The following CACNA2D3 variants were observed in gnomAD, a reference collection of about 807,000 sequenced individuals.
The protein encoded by CACNA2D3 is voltage-dependent calcium channel subunit alpha-2/delta-3.
A neutral mutation model predicts 160.6 loss-of-function variants in CACNA2D3; 60 were observed. The ratio of observed to expected loss-of-function variants is 0.37; its 90% CI spans 0.30 to 0.46. The LOEUF (loss-of-function observed/expected upper bound fraction) is 0.46, where lower values mean the gene tolerates loss of function less well. CACNA2D3 is among the 20% of genes least tolerant of loss of function. The pLI, the probability that CACNA2D3 is intolerant of heterozygous loss-of-function variation, is 1.00. For synonymous variants in CACNA2D3, 558 were observed against 492.9 expected (o/e 1.13, Z -1.75); for missense variants, 1,205 against 1,365.0 (o/e 0.88, Z 1.85).
At chr3:54,430,571 G>A (rs930146495) in intron 4 of CACNA2D3, among the ~76,000 whole-genome samples, 1 of 152,282 alleles carries the variant, frequency 6.6e-6, no homozygotes. Context: ...AATCCTGGAC[G>A]TGATTTGGTT....
chr3:54,369,585 G>C (rs1029512777), intron 3 of CACNA2D3, among the ~76,000 whole-genome samples: 2 of 152,176 alleles, frequency 1.3e-5, no homozygotes, highest in African/African-American at 4.8e-5. Context: ...TGATGGTCCA[G>C]GCTGGTCCCA....
intron 4 of CACNA2D3, among the ~76,000 whole-genome samples, chr3:54,471,939 T>A (rs1700740257): frequency 6.6e-6 from 1 of 152,154 alleles, no homozygotes; most frequent in Admixed American, 6.6e-5. Context: ...CTGGACCAGA[T>A]GAATTCACAG....
intron 5 of CACNA2D3, among the ~76,000 whole-genome samples, chr3:54,509,237 G>A (rs943505059): frequency 2.0e-5 from 3 of 152,118 alleles, no homozygotes; most frequent in African/African-American, 7.2e-5. Flanking sequence ...ATAAAAAGCT[G>A]TTTAAAATTT....
intron 5 of CACNA2D3, among the ~76,000 whole-genome samples, chr3:54,515,371 T>A (rs1413797046): frequency 6.9e-6 from 1 of 144,304 alleles, no homozygotes; most frequent in Non-Finnish European, 1.5e-5. Context: ...TAATTAAAAA[T>A]GAAAGAACTA....
At chr3:54,584,992 C>CT (rs1285143178) in intron 9 of CACNA2D3, among the ~76,000 whole-genome samples, 1 of 152,112 alleles carries the variant, frequency 6.6e-6, no homozygotes, top group Non-Finnish European at 1.5e-5. Context: ...ACTGTTGCCT[C>CT]TAAACCTACC....
Position 54,646,184 on chromosome 3 carries a change from C to CTCCTTCCTTCCT in CACNA2D3, c.1167+3952_1167+3953insCCTTCCTTCCTT, listed in dbSNP as rs1438568531. ...CCTCCCTCCCTCCCTCCCTCCCTCC[C>CTCCTTCCTTCCT]TCCTTCCTTGCTTCCTTCCTTCCTT... On this transcript the variant is annotated intron_variant, in intron 11 of 37. Transcript: ENST00000474759. 2.7e-4 allele frequency among the ~76,000 whole-genome samples: 4 copies of CTCCTTCCTTCCT among 14,886 alleles called. 1 individual carries two copies. 9.8% of individuals were successfully genotyped at this position (14,886 alleles called of 152,430 possible). A position where few individuals can be genotyped will look rare whatever the true frequency, so the allele number is the denominator to read the frequency against.
At chr3:54,465,768 A>T (rs1175650454) in intron 4 of CACNA2D3, among the ~76,000 whole-genome samples, 1 of 152,234 alleles carries the variant, frequency 6.6e-6, no homozygotes, top group Non-Finnish European at 1.5e-5. Flanking sequence ...ATAACTCGTT[A>T]ACATTAATAA....
chr3:54,825,579 A>G (rs1316693234), intron 14 of CACNA2D3, among the ~76,000 whole-genome samples: 1 of 152,140 alleles, frequency 6.6e-6, no homozygotes, highest in Non-Finnish European at 1.5e-5. Context: ...TCAACAATGT[A>G]TGAATCTACA....
intron 11 of CACNA2D3, among the ~76,000 whole-genome samples, chr3:54,698,654 G>A (rs564374033): frequency 1.1e-4 from 16 of 152,246 alleles, no homozygotes; most frequent in Admixed American, 5.9e-4. Context: ...AGATGAGAAC[G>A]TACAAGTAAG....
At position 54,526,970 on chromosome 3, in the gene CACNA2D3, T is replaced by C. The variant is rs116492440; in HGVS notation, c.544+23316T>C. 9.7e-3 allele frequency among the ~76,000 whole-genome samples: 1,484 copies of C among 152,316 alleles called. 32 individuals are homozygous for C. The highest frequency in any genetic ancestry group is 0.034 in the African/African-American group (1,410 of 41,574). On this transcript the variant is annotated intron_variant, in intron 5 of 37. Coordinates refer to ENST00000474759, the MANE Select transcript of CACNA2D3 (RefSeq NM_018398.3). Reference sequence around the variant, plus strand: ...CCTCCCGAAGTGCTGGGATTACAGGTGTGAGCCACCACGTGGGGCCAGGCA... The same window carrying C: ...CCTCCCGAAGTGCTGGGATTACAGGCGTGAGCCACCACGTGGGGCCAGGCA...
At position 54,918,600 on chromosome 3, in the gene CACNA2D3, CA is replaced by C. The variant is rs750192575; in HGVS notation, c.2449+18733del. ...TGGCAGCTGCCAACATCATGAGACA[CA>C]CAATCCCACACACAACGCCAGTGAT... On this transcript the variant is annotated intron_variant, in intron 27 of 37. Transcript: ENST00000474759. The C allele has an allele frequency of 9.4e-4, 1,519 of 1,614,062 alleles. 1 individual carries two copies. The highest frequency in any genetic ancestry group is 1.4e-3 in the South Asian group (125 of 91,090).
intron 2 of CACNA2D3, among the ~76,000 whole-genome samples, chr3:54,179,799 C>G (rs957349606): frequency 2.0e-5 from 3 of 152,202 alleles, no homozygotes; most frequent in Admixed American, 2.0e-4. Context: ...GGAAGCGAGC[C>G]CTCACCAGGA....
intron 17 of CACNA2D3, among the ~76,000 whole-genome samples, chr3:54,847,404 A>G (rs1264632403): frequency 6.6e-6 from 1 of 152,032 alleles, no homozygotes; most frequent in Non-Finnish European, 1.5e-5. Context: ...ATACCCATCC[A>G]CCCCACCCAT....
chr3:54,745,894 G>T (rs895853181), intron 11 of CACNA2D3, among the ~76,000 whole-genome samples: 1 of 152,024 alleles, frequency 6.6e-6, no homozygotes, highest in Non-Finnish European at 1.5e-5. Context: ...CTCTTAGAGC[G>T]TCCCTAAGGT....
At chr3:54,350,481 C>T (rs901904476) in intron 3 of CACNA2D3, among the ~76,000 whole-genome samples, 3 of 152,054 alleles carry the variant, frequency 2.0e-5, no homozygotes, top group Non-Finnish European at 4.4e-5. Flanking sequence ...TGGAGGGGTA[C>T]CACTGACTAC....
intron 32 of CACNA2D3, among the ~76,000 whole-genome samples, chr3:55,007,541 C>A (rs557956440): frequency 3.3e-5 from 5 of 152,292 alleles, no homozygotes; most frequent in Non-Finnish European, 7.4e-5. Context: ...CCACTGATAA[C>A]CCTTGTATTA....
At chr3:54,988,844 C>G (rs1702676810) in intron 31 of CACNA2D3, among the ~76,000 whole-genome samples, 1 of 152,248 alleles carries the variant, frequency 6.6e-6, no homozygotes, top group African/African-American at 2.4e-5. Context: ...AGAACCTGGC[C>G]TAGTGCCAGC....
intron 4 of CACNA2D3, among the ~76,000 whole-genome samples, chr3:54,459,869 A>T (rs1378139019): frequency 1.3e-5 from 2 of 152,052 alleles, no homozygotes; most frequent in Non-Finnish European, 2.9e-5. Flanking sequence ...CTGAATGGTA[A>T]TGCCTAGGTT....
At chr3:54,844,588 C>G (rs1575507661) in intron 16 of CACNA2D3, among the ~76,000 whole-genome samples, 1 of 152,148 alleles carries the variant, frequency 6.6e-6, no homozygotes, top group Non-Finnish European at 1.5e-5. Flanking sequence ...ATTCCAACCA[C>G]CCCGCCATAT....
Sources: allele counts gnomAD v4.1 joint callset (sites outside exome capture counted in the v4.1 genomes callset), GRCh38; gene constraint gnomAD v4.1.1; transcripts MANE v1.5; gene names NCBI Gene and HGNC (gene_info 2026-07-23, HGNC 2026-07-21).